Variants in LRP6 observed in about 807,000 individuals in gnomAD.
LRP6 encodes LDL receptor related protein 6, also known as low-density lipoprotein receptor-related protein 6.
LRP6 carries 43 observed loss-of-function variants against 184.1 expected under a neutral mutation model. That is an observed-to-expected ratio of 0.23 (90% CI 0.18 to 0.30). The LOEUF (loss-of-function observed/expected upper bound fraction) is 0.30. Ranked by LOEUF, LRP6 falls within the 10% of genes least tolerant of loss-of-function variation. The probability of loss-of-function intolerance (pLI) is 1.00; values close to 1 mark genes in which losing one functional copy is unlikely to be tolerated. For synonymous variants in LRP6, 719 were observed against 684.9 expected (o/e 1.05, Z -0.78); for missense variants, 1,571 against 2,005.3 (o/e 0.78, Z 4.14).
intron 2 of LRP6, among the ~76,000 whole-genome samples, chr12:12,222,260 C>T (rs1864508671): frequency 6.6e-6 from 1 of 151,974 alleles, no homozygotes; most frequent in Admixed American, 6.6e-5. Context: ...TAGCGATAAT[C>T]CTCTATATAT....
intron 2 of LRP6, among the ~76,000 whole-genome samples, chr12:12,235,903 G>A (rs923498830): frequency 1.3e-5 from 2 of 152,110 alleles, no homozygotes; most frequent in Non-Finnish European, 2.9e-5. Flanking sequence ...ACTGCCTGGA[G>A]TCGCCAGAAA....
At chr12:12,139,013 G>A in intron 15 of LRP6, 1 of 1,313,520 alleles carries the variant, frequency 7.6e-7, no homozygotes, top group Non-Finnish European at 1.0e-6. Context: ...CAGACATAGA[G>A]TCATCCAGAC....
chr12:12,135,073 T>A (rs1949814491), intron 17 of LRP6, 102 bp downstream of exon 17: 2 of 1,545,092 alleles, frequency 1.3e-6, no homozygotes, highest in East Asian at 4.5e-5. Flanking sequence ...CCAATTAAGT[T>A]AGTAGACAGA....
At chr12:12,259,262 C>CAAA (rs535352023) in intron 1 of LRP6, among the ~76,000 whole-genome samples, 2 of 59,210 alleles carry the variant, frequency 3.4e-5, no homozygotes, top group East Asian at 6.0e-4. Context: ...GACTCCATCT[C>CAAA]AAAAAAAAAA....
intron 1 of LRP6, among the ~76,000 whole-genome samples, chr12:12,250,648 A>C (rs1445056718): frequency 6.6e-6 from 1 of 152,166 alleles, no homozygotes; most frequent in East Asian, 1.9e-4. Flanking sequence ...TTTGAGACAA[A>C]GTCTCACTGT....
chr12:12,165,031 T>C lies in LRP6; in HGVS notation c.1762+48A>G, dbSNP rs544926099. Reference sequence around the variant, plus strand: ...TTTACACTGCTGACTATCTCCATCTTTTTTCATTCCTGGTTCCCATTTCTA... The same window carrying C: ...TTTACACTGCTGACTATCTCCATCTCTTTTCATTCCTGGTTCCCATTTCTA... On this transcript the variant is annotated intron_variant, in intron 8 of 22. Transcript: ENST00000261349. 8 of 1,491,768 alleles carry C rather than the reference T, an allele frequency of 5.4e-6. No homozygotes were observed. In the African/African-American group the frequency reaches 9.6e-5, roughly 18 times the overall value. The allele number at this position is 1,491,768 out of a possible 1,614,324, so 92.4% of individuals were successfully genotyped here. A position where few individuals can be genotyped will look rare whatever the true frequency, so the allele number is the denominator to read the frequency against.
intron 7 of LRP6, among the ~76,000 whole-genome samples, chr12:12,179,383 TATAG>T (rs140308872): frequency 5.3e-4 from 75 of 142,098 alleles, no homozygotes; most frequent in African/African-American, 1.9e-3. Context: ...TAGATATAGA[TATAG>T]ATATAGATAT....
chr12:12,232,918 A>T (rs1164731687), intron 2 of LRP6, among the ~76,000 whole-genome samples: 2 of 152,210 alleles, frequency 1.3e-5, no homozygotes, highest in Non-Finnish European at 2.9e-5. Context: ...CACTAGAGTC[A>T]AAAACCAAAT....
At chr12:12,183,392 A>G (rs1309481714) in intron 5 of LRP6, among the ~76,000 whole-genome samples, 1 of 152,226 alleles carries the variant, frequency 6.6e-6, no homozygotes, top group East Asian at 1.9e-4. Flanking sequence ...GTCCTAAATC[A>G]GTATACTTTC....
At chr12:12,226,696 T>A (rs941867212) in intron 2 of LRP6, 1 of 152,290 alleles carries the variant, frequency 6.6e-6, no homozygotes, top group Non-Finnish European at 1.5e-5. Context: ...GCAGCACATA[T>A]ACTAACACTG....
chr12:12,121,470 T>C (rs781652027), intron 22 of LRP6, 50 bp from the exon 23 acceptor site: 3 of 1,517,734 alleles, frequency 2.0e-6, no homozygotes, highest in South Asian at 1.1e-5. Context: ...CAAAAAAAAA[T>C]GATTTCCCCT....
chr12:12,185,175 T>A (rs759116673), intron 4 of LRP6, among the ~76,000 whole-genome samples: 10 of 152,094 alleles, frequency 6.6e-5, no homozygotes, highest in Admixed American at 1.3e-4. Flanking sequence ...GGCATATGCC[T>A]GTAGTCCCAG....
chr12:12,135,479 C>CATTATTATTATTATT (rs35053686), intron 16 of LRP6, among the ~76,000 whole-genome samples, 179 bp from the exon 17 acceptor site: 318 of 144,176 alleles, frequency 2.2e-3, no homozygotes, highest in Admixed American at 4.1e-3. Flanking sequence ...TTACTTTTAT[C>CATTATTATTATTATT]ATTATTATTA....
rs1862846135 is a variant in LRP6, at chr12:12,165,124, G to A, written c.1717C>T (p.Pro573Ser). The change falls in exon 8 of 23, where the codon CCT (proline) becomes TCT (serine). Residue 573 changes from proline (P) to serine (S), a missense_variant. This residue lies in a region of LRP6 where 640 missense variants were observed against 851.9 expected (regional missense o/e 0.75). Transcript: ENST00000261349. ...AEREVIIDQL[P>S]DLMGLKATNV... The stretch of plus-strand genomic sequence containing the variant: ...GTAGCCTTTAGGCCCATGAGGTCAG[G>A]CAGCTGATCTATGATCACTTCCCTC... 6.2e-7 allele frequency: 1 copy of A among 1,613,914 alleles called. No homozygotes were observed. Among genetic ancestry groups the A allele is most frequent in the Non-Finnish European group, 8.5e-7 (1 of 1,179,960 alleles).
chr12:12,178,827 G>A (rs1863260886), intron 7 of LRP6, among the ~76,000 whole-genome samples: 1 of 152,128 alleles, frequency 6.6e-6, no homozygotes, highest in Non-Finnish European at 1.5e-5. Context: ...GAATACTAAC[G>A]GGGTTTCTTC....
chr12:12,173,137 C>T (rs764711433), intron 7 of LRP6, among the ~76,000 whole-genome samples: 12 of 152,074 alleles, frequency 7.9e-5, no homozygotes, highest in South Asian at 4.1e-4. Flanking sequence ...CTCCAGGAAA[C>T]GAAAAAATTG....
At chr12:12,243,196 T>C (rs12823867) in intron 2 of LRP6, among the ~76,000 whole-genome samples, 24,135 of 152,224 alleles carry the variant, frequency 0.16, 2,084 homozygotes, top group Non-Finnish European at 0.19. Context: ...TGTATACTAA[T>C]AGTAGAAATG....
intron 7 of LRP6, among the ~76,000 whole-genome samples, chr12:12,170,371 C>T (rs769558770): frequency 6.6e-6 from 1 of 151,906 alleles, no homozygotes; most frequent in Non-Finnish European, 1.5e-5. Context: ...TAATAGTATA[C>T]TTTATTTAAT....
At chr12:12,204,632 ACT>A (rs1864005017) in intron 2 of LRP6, among the ~76,000 whole-genome samples, 1 of 151,508 alleles carries the variant, frequency 6.6e-6, no homozygotes, top group Non-Finnish European at 1.5e-5. Flanking sequence ...TAAAAGAAAA[ACT>A]CTCTTGGGCT....
Sources: gnomAD v4.1 joint callset for allele counts (sites outside exome capture counted in the v4.1 genomes callset) on GRCh38, gnomAD v4.1.1 for gene constraint, gnomAD v4.1.1 regional missense constraint, MANE v1.5 for transcripts, NCBI Gene and HGNC (gene_info 2026-07-23, HGNC 2026-07-21) for gene names.